The following SDK1 variants were observed in gnomAD, a reference collection of about 807,000 sequenced individuals.
SDK1 encodes sidekick cell adhesion molecule 1, also known as protein sidekick-1.
Under a neutral mutation model 245.5 loss-of-function variants are expected in SDK1, and 157 were observed. The observed-to-expected ratio is 0.64, with a 90% confidence interval of 0.56 to 0.73. SDK1 has a LOEUF of 0.73. SDK1 is among the 30% of genes least tolerant of loss of function. The probability of loss-of-function intolerance (pLI) is 0.00; values close to 1 mark genes in which losing one functional copy is unlikely to be tolerated. For missense variants in SDK1, 3,583 were observed against 3,002.3 expected, an observed-to-expected ratio of 1.19 and a Z score of -4.52; for synonymous variants, 1,647 against 1,278.5, an observed-to-expected ratio of 1.29 and a Z score of -6.15.
intron 35 of SDK1, among the ~76,000 whole-genome samples, chr7:4,193,220 T>G (rs1357192754): frequency 7.5e-6 from 1 of 133,178 alleles, no homozygotes; most frequent in African/African-American, 3.0e-5. Flanking sequence ...ATATATATAT[T>G]GTATATTAAT....
At chr7:3,900,967 G>A (rs1365389843) in intron 5 of SDK1, among the ~76,000 whole-genome samples, 5 of 151,942 alleles carry the variant, frequency 3.3e-5, no homozygotes, top group African/African-American at 1.2e-4. Flanking sequence ...AGACCTTTAT[G>A]GCTTTTCTTT....
intron 1 of SDK1, among the ~76,000 whole-genome samples, chr7:3,606,829 T>C (rs1000292158): frequency 1.3e-5 from 2 of 149,810 alleles, no homozygotes; most frequent in Admixed American, 1.4e-4. Context: ...GTTATTATTC[T>C]GTATGTGTCT....
intron 30 of SDK1, among the ~76,000 whole-genome samples, chr7:4,155,191 T>C (rs1354852033): frequency 6.6e-6 from 1 of 151,572 alleles, no homozygotes; most frequent in Non-Finnish European, 1.5e-5. Context: ...TCTGCCTGGT[T>C]TTGGGGGCAC....
intron 17 of SDK1, among the ~76,000 whole-genome samples, chr7:4,021,881 C>A (rs1786924987): frequency 6.6e-6 from 1 of 152,220 alleles, no homozygotes; most frequent in African/African-American, 2.4e-5. Flanking sequence ...TGACAATGGG[C>A]TCCTGGCTTG....
rs574669987 is a variant in SDK1, at chr7:4,060,067, G to A, written c.2912-7771G>A. ...GCTAACTTTTTTGTATTTTTTAGTA[G>A]AGACGGGGTTTCACCATGTTAGCCA... On this transcript the variant is annotated intron_variant, in intron 19 of 44. Coordinates refer to ENST00000404826, the MANE Select transcript of SDK1 (RefSeq NM_152744.4). Among the ~76,000 whole-genome samples the A allele has an allele frequency of 2.6e-4, 40 of 152,068 alleles. No individual in the cohort carries two copies. The South Asian group carries it at 6.2e-3, about 24-fold the overall frequency.
At chr7:3,431,048 A>G (rs978459290) in intron 1 of SDK1, among the ~76,000 whole-genome samples, 1 of 152,108 alleles carries the variant, frequency 6.6e-6, no homozygotes. Flanking sequence ...CTACAGGCAC[A>G]TGCTGCCACG....
At chr7:3,659,543 T>C (rs969674582) in intron 4 of SDK1, among the ~76,000 whole-genome samples, 4 of 152,178 alleles carry the variant, frequency 2.6e-5, no homozygotes, top group South Asian at 2.1e-4. Flanking sequence ...AGGGGGCCTG[T>C]GTGGTACATT....
intron 13 of SDK1, among the ~76,000 whole-genome samples, chr7:3,986,802 G>T (rs1433573268): frequency 2.6e-5 from 4 of 152,232 alleles, no homozygotes; most frequent in Non-Finnish European, 5.9e-5. Flanking sequence ...GGAGGTTGCA[G>T]TGAGCCGAGC....
At chr7:3,440,251 G>T (rs1442834561) in intron 1 of SDK1, among the ~76,000 whole-genome samples, 1 of 152,130 alleles carries the variant, frequency 6.6e-6, no homozygotes, top group Non-Finnish European at 1.5e-5. Context: ...GCATCTTTCT[G>T]CCCAGGTTTG....
intron 1 of SDK1, among the ~76,000 whole-genome samples, chr7:3,405,519 C>G (rs1017661721): frequency 2.0e-5 from 3 of 152,198 alleles, no homozygotes; most frequent in Non-Finnish European, 4.4e-5. Context: ...CCCCCAAAAT[C>G]TCTGCCTGTC....
chr7:3,989,595 G>A (rs1335899275), intron 14 of SDK1, among the ~76,000 whole-genome samples: 1 of 152,128 alleles, frequency 6.6e-6, no homozygotes, highest in Non-Finnish European at 1.5e-5. Context: ...ACGGGTCCCT[G>A]TTTTCAGGAC....
chr7:3,866,826 C>T (rs1780834007), intron 5 of SDK1, among the ~76,000 whole-genome samples: 1 of 152,148 alleles, frequency 6.6e-6, no homozygotes, highest in Admixed American at 6.5e-5. Context: ...TAAGGACAGA[C>T]TGTGAAGGAC....
intron 17 of SDK1, among the ~76,000 whole-genome samples, chr7:4,049,040 T>C (rs1397350115): frequency 6.6e-6 from 1 of 152,104 alleles, no homozygotes; most frequent in African/African-American, 2.4e-5. Flanking sequence ...AAAAAGAGAT[T>C]AGAGAAAGCT....
At chr7:4,018,093 A>G (rs1786564540) in intron 17 of SDK1, among the ~76,000 whole-genome samples, 1 of 152,206 alleles carries the variant, frequency 6.6e-6, no homozygotes, top group East Asian at 1.9e-4. Context: ...CCCTCTCCCA[A>G]CACAGCCTCA....
chr7:3,944,202 C>T (rs1281662429), intron 5 of SDK1, among the ~76,000 whole-genome samples: 3 of 152,230 alleles, frequency 2.0e-5, no homozygotes, highest in Non-Finnish European at 4.4e-5. Context: ...AAGCTTTTCT[C>T]TATCACTTGA....
At chr7:3,356,343 C>G (rs1363615269) in intron 1 of SDK1, among the ~76,000 whole-genome samples, 1 of 152,084 alleles carries the variant, frequency 6.6e-6, no homozygotes, top group African/African-American at 2.4e-5. Flanking sequence ...TGGGCAGTTG[C>G]CGTGCACATC....
At chr7:3,562,383 C>T (rs1053287238) in intron 1 of SDK1, among the ~76,000 whole-genome samples, 2 of 152,208 alleles carry the variant, frequency 1.3e-5, no homozygotes, top group African/African-American at 4.8e-5. Flanking sequence ...GCCTAGGTTT[C>T]GGTCTCAGCC....
intron 1 of SDK1, among the ~76,000 whole-genome samples, chr7:3,379,175 A>G (rs868120154): frequency 2.4e-4 from 36 of 152,044 alleles, no homozygotes; most frequent in African/African-American, 8.0e-4. Context: ...CTGTTCCACA[A>G]CTCTTTATTG....
rs1257772954 is a variant in SDK1, at chr7:4,139,575, G to GTGTATA, written c.4229-6144_4229-6143insATATGT. 1.2e-3 allele frequency among the ~76,000 whole-genome samples: 67 copies of GTGTATA among 55,676 alleles called. 20 individuals carry two copies. The highest frequency in any genetic ancestry group is 3.0e-3 in the Admixed American group (15 of 5,070). 36.5% of individuals were successfully genotyped at this position (55,676 alleles called of 152,430 possible). A position where few individuals can be genotyped will look rare whatever the true frequency, so the allele number is the denominator to read the frequency against. On this transcript the variant is annotated intron_variant, in intron 28 of 44. Transcript: ENST00000404826. ...TATATGTATATATGTGTGTATATGT[G>GTGTATA]TGTGTGTATGTGTGTGTATATGTAT...
Sources: gnomAD v4.1 joint callset for allele counts (sites outside exome capture counted in the v4.1 genomes callset) on GRCh38, gnomAD v4.1.1 for gene constraint, MANE v1.5 for transcripts, NCBI Gene and HGNC (gene_info 2026-07-23, HGNC 2026-07-21) for gene names.